ARID4B: variants seen among roughly 807,000 people sequenced by gnomAD.
ARID4B encodes the protein AT-rich interactive domain-containing protein 4B.
A neutral mutation model predicts 147.5 loss-of-function variants in ARID4B; 26 were observed. The observed-to-expected ratio is 0.18, with a 90% confidence interval of 0.13 to 0.24. The LOEUF (loss-of-function observed/expected upper bound fraction) is 0.24, where lower values mean the gene tolerates loss of function less well. ARID4B is among the 10% of genes least tolerant of loss of function. ARID4B has a pLI of 1.00. For synonymous variants in ARID4B, 512 were observed against 507.9 expected (o/e 1.01, Z -0.11); for missense variants, 1,179 against 1,511.5 (o/e 0.78, Z 3.65).
At chr1:235,219,150 C>CCACCG (rs1394403212) in intron 16 of ARID4B, among the ~76,000 whole-genome samples, 1 of 152,096 alleles carries the variant, frequency 6.6e-6, no homozygotes, top group East Asian at 1.9e-4. Context: ...CAGGCGTGAA[C>CCACCG]CACCGCACCT....
chr1:235,180,700 A>G (rs921231394), intron 20 of ARID4B: 2 of 152,166 alleles, frequency 1.3e-5, no homozygotes, highest in African/African-American at 4.8e-5. Flanking sequence ...TTTGATCTAG[A>G]CCATATCTCT....
At chr1:235,290,162 T>C (rs1417849831) in intron 2 of ARID4B, among the ~76,000 whole-genome samples, 1 of 152,150 alleles carries the variant, frequency 6.6e-6, no homozygotes, top group Non-Finnish European at 1.5e-5. Context: ...GCTGAGAATG[T>C]AAATCTGTAT....
At chr1:235,199,220 T>C (rs1665712723) in intron 17 of ARID4B, among the ~76,000 whole-genome samples, 1 of 152,222 alleles carries the variant, frequency 6.6e-6, no homozygotes, top group South Asian at 2.1e-4. Context: ...TAATATTACA[T>C]TATATTTATA....
chr1:235,215,339 C>T (rs1422010748), intron 16 of ARID4B, among the ~76,000 whole-genome samples: 2 of 152,006 alleles, frequency 1.3e-5, no homozygotes, highest in Admixed American at 6.6e-5. Context: ...GTTTTATTTG[C>T]TGTCCTGTAT....
At chr1:235,320,534 T>A (rs1254451071) in intron 2 of ARID4B, among the ~76,000 whole-genome samples, 1 of 152,198 alleles carries the variant, frequency 6.6e-6, no homozygotes, top group Non-Finnish European at 1.5e-5. Context: ...TTCGAACCCA[T>A]GATGTGTTCA....
chr1:235,231,243 G>T, intron 9 of ARID4B, 54 bp from the exon 10 acceptor site: 2 of 900,388 alleles, frequency 2.2e-6, no homozygotes, highest in South Asian at 3.4e-5. Flanking sequence ...ATATGACTGA[G>T]ATTAATTAAG....
intron 2 of ARID4B, among the ~76,000 whole-genome samples, chr1:235,315,269 C>CA (rs1674353122): frequency 1.3e-5 from 2 of 152,184 alleles, no homozygotes; most frequent in South Asian, 2.1e-4. Context: ...ACCAAAAATA[C>CA]AAAAAAATTT....
chr1:235,266,587 A>T (rs1475763036), intron 2 of ARID4B, among the ~76,000 whole-genome samples: 2 of 152,122 alleles, frequency 1.3e-5, no homozygotes, highest in Admixed American at 1.3e-4. Context: ...AGTGGCACCT[A>T]AAAAACACTG....
intron 2 of ARID4B, among the ~76,000 whole-genome samples, chr1:235,267,394 T>C (rs547785314): frequency 7.9e-5 from 12 of 152,262 alleles, no homozygotes; most frequent in African/African-American, 2.9e-4. Context: ...CAATGAACTA[T>C]TAAAATAATG....
At chr1:235,189,010 C>T (rs566744088) in intron 19 of ARID4B, among the ~76,000 whole-genome samples, 26 of 152,080 alleles carry the variant, frequency 1.7e-4, no homozygotes, top group African/African-American at 6.0e-4. Flanking sequence ...GATCAAAATC[C>T]GAAAGGTAAG....
chr1:235,222,978 T>C (rs1667571619), intron 13 of ARID4B, among the ~76,000 whole-genome samples, 188 bp downstream of exon 13: 2 of 152,106 alleles, frequency 1.3e-5, no homozygotes, highest in Non-Finnish European at 2.9e-5. Context: ...CCACCATGCC[T>C]GGCCTAAAAA....
In ARID4B at chr1:235,168,420, TATAAA is replaced by T; in HGVS notation, c.*100_*104del. 5.4e-6 allele frequency: 7 copies of T among 1,297,986 alleles called. No individual in the cohort carries two copies. Among genetic ancestry groups the T allele is most frequent in the Non-Finnish European group, 7.1e-6 (7 of 986,766 alleles). 80.4% of individuals were successfully genotyped at this position (1,297,986 alleles called of 1,614,324 possible). ...AGCTTGTCAAGAAACAATTTTTAAATATAAAATAGTGCTTGTCTGATATTTTTTTG... is the reference window on the plus strand; with the variant it reads ...AGCTTGTCAAGAAACAATTTTTAAATATAGTGCTTGTCTGATATTTTTTTG... On this transcript the variant is annotated 3_prime_UTR_variant, in exon 24 of 24. Coordinates refer to ENST00000264183, the MANE Select transcript of ARID4B (RefSeq NM_016374.6).
rs1186890997 is a variant in ARID4B, at chr1:235,175,468, A to C, written c.3449-69T>G. The C allele has an allele frequency of 7.0e-6, 9 of 1,285,966 alleles. No individual in the cohort carries two copies. In the East Asian group the frequency reaches 1.9e-4, roughly 27 times the overall value. The allele number at this position is 1,285,966 out of a possible 1,614,324, so 79.7% of individuals were successfully genotyped here. A position where few individuals can be genotyped will look rare whatever the true frequency, so the allele number is the denominator to read the frequency against. On this transcript the variant is annotated intron_variant, in intron 21 of 23. Coordinates refer to ENST00000264183, the MANE Select transcript of ARID4B (RefSeq NM_016374.6). ...AAATTTGTCACAGATTTTAGTAGGT[A>C]ATTTAAAATTAGCCATTTGAATTTA...
intron 2 of ARID4B, among the ~76,000 whole-genome samples, chr1:235,295,433 C>A (rs1672626834): frequency 6.6e-6 from 1 of 150,952 alleles, no homozygotes; most frequent in Non-Finnish European, 1.5e-5. Context: ...TTGCTTGAAC[C>A]TGGGAGGCAG....
chr1:235,194,401 CA>C (rs1665346557), intron 18 of ARID4B, among the ~76,000 whole-genome samples, 190 bp from the exon 19 acceptor site: 1 of 152,066 alleles, frequency 6.6e-6, no homozygotes, highest in Admixed American at 6.6e-5. Flanking sequence ...ACAGGATGAT[CA>C]AAAGGTTTTG....
Position 235,196,134 on chromosome 1 carries a change from A to T in ARID4B, c.1842-19T>A. On this transcript the variant is annotated intron_variant, in intron 17 of 23. Transcript: ENST00000264183. ...ATCGTATCTAAAATTAAAGGAAATT[A>T]ATATAAATATGTACAATATATACCA... 1 of 1,298,412 alleles carries T rather than the reference A, an allele frequency of 7.7e-7. No homozygotes were observed. The allele number at this position is 1,298,412 out of a possible 1,614,324, so 80.4% of individuals were successfully genotyped here.
intron 11 of ARID4B, among the ~76,000 whole-genome samples, chr1:235,227,830 AT>A (rs1166758894): frequency 0.14 from 17,221 of 125,140 alleles, 879 homozygotes; most frequent in African/African-American, 0.26. Flanking sequence ...CTTTTCTGCT[AT>A]TTTTTTTTTT....
intron 20 of ARID4B, among the ~76,000 whole-genome samples, chr1:235,178,125 AG>A (rs936166512): frequency 6.6e-6 from 1 of 152,192 alleles, no homozygotes; most frequent in Non-Finnish European, 1.5e-5. Context: ...GTTTTTAAAA[AG>A]GCAAACAAAG....
At chr1:235,250,152 G>A (rs1469078921) in intron 6 of ARID4B, among the ~76,000 whole-genome samples, 12 of 151,752 alleles carry the variant, frequency 7.9e-5, no homozygotes, top group African/African-American at 2.9e-4. Flanking sequence ...AAGATAAACT[G>A]ACTGAAGTGC....
Sources: allele counts gnomAD v4.1 joint callset (sites outside exome capture counted in the v4.1 genomes callset), GRCh38; gene constraint gnomAD v4.1.1; transcripts MANE v1.5; gene names NCBI Gene and HGNC (gene_info 2026-07-23, HGNC 2026-07-21).